Variants in DTWD2 observed in about 807,000 individuals in gnomAD.
The protein encoded by DTWD2 is DTW motif tRNA-uridine aminocarboxypropyltransferase 2.
Under a neutral mutation model 31.8 loss-of-function variants are expected in DTWD2, and 39 were observed. That is an observed-to-expected ratio of 1.22 (90% CI 0.95 to 1.60). The LOEUF (loss-of-function observed/expected upper bound fraction) is 1.60, where lower values mean the gene tolerates loss of function less well. DTWD2 is among the 40% of genes most tolerant of loss of function. DTWD2 has a pLI of 0.00. For synonymous variants in DTWD2, 180 were observed against 142.8 expected (o/e 1.26, Z -1.86); for missense variants, 515 against 381.5 (o/e 1.35, Z -2.92).
intron 1 of DTWD2, among the ~76,000 whole-genome samples, chr5:118,979,427 C>G (rs540946582): frequency 6.6e-6 from 1 of 152,148 alleles, no homozygotes; most frequent in South Asian, 2.1e-4. Context: ...ATTAGTTCAA[C>G]CATTGTGGAA....
chr5:118,902,568 T>C (rs1025322111), intron 4 of DTWD2, among the ~76,000 whole-genome samples: 72 of 152,256 alleles, frequency 4.7e-4, no homozygotes, highest in African/African-American at 1.7e-3. Context: ...GTTTTCTTTA[T>C]ACTTAGAAAA....
intron 4 of DTWD2, among the ~76,000 whole-genome samples, chr5:118,868,561 CAACA>C (rs1290687902): frequency 1.3e-5 from 2 of 152,104 alleles, no homozygotes; most frequent in Admixed American, 6.5e-5. Context: ...TACAACTCAA[CAACA>C]AACAAATAAT....
intron 4 of DTWD2, among the ~76,000 whole-genome samples, chr5:118,926,692 T>C (rs891102393): frequency 1.3e-5 from 2 of 152,122 alleles, no homozygotes; most frequent in African/African-American, 4.8e-5. Flanking sequence ...TCGCCCCTTT[T>C]GTTCAAAAAA....
chr5:118,964,512 G>A (rs1045783214), intron 1 of DTWD2, among the ~76,000 whole-genome samples: 3 of 152,102 alleles, frequency 2.0e-5, no homozygotes, highest in African/African-American at 4.8e-5. Flanking sequence ...CTGTACTGCC[G>A]CCATCTCTGC....
Position 118,973,950 on chromosome 5 carries a change from T to C in DTWD2, c.218+14344A>G, listed in dbSNP as rs369215702. The C allele has an allele frequency of 3.7e-5, 59 of 1,584,222 alleles. No homozygotes were observed. In the East Asian group the frequency reaches 8.3e-4, roughly 22 times the overall value. On this transcript the variant is annotated intron_variant, in intron 1 of 5. Transcript: ENST00000510708. ...GGGGAGCAGGAGGCTGACAATGAGG[T>C]AGATGAAGAAGAGGAAGAAGGTGGG...
chr5:118,867,781 A>G (rs1752409332), intron 4 of DTWD2, among the ~76,000 whole-genome samples: 1 of 152,218 alleles, frequency 6.6e-6, no homozygotes, highest in Non-Finnish European at 1.5e-5. Flanking sequence ...AGACACCAAT[A>G]AATGGAAAAA....
At chr5:118,963,250 A>T (rs2149594136) in intron 1 of DTWD2, among the ~76,000 whole-genome samples, 1 of 152,390 alleles carries the variant, frequency 6.6e-6, no homozygotes, top group East Asian at 1.9e-4. Context: ...GGAGATAGCT[A>T]GAAGGATAAG....
chr5:118,948,021 A>C (rs1170357397), intron 1 of DTWD2, among the ~76,000 whole-genome samples: 1 of 152,180 alleles, frequency 6.6e-6, no homozygotes, highest in Non-Finnish European at 1.5e-5. Context: ...TATTATAAAA[A>C]CATATTGTAA....
At chr5:118,962,873 G>A (rs544384178) in intron 1 of DTWD2, among the ~76,000 whole-genome samples, 1 of 152,184 alleles carries the variant, frequency 6.6e-6, no homozygotes, top group African/African-American at 2.4e-5. Flanking sequence ...GCTTGGTTCT[G>A]TCTGATTCCA....
rs397999089 is a variant in DTWD2 at position 118,934,272 on chromosome 5, TAAAA to T, written c.404+4920_404+4923del. On this transcript the variant is annotated intron_variant, in intron 3 of 5. Transcript: ENST00000510708. ...CAACATAGTGAGACCTTGTCTCCAT[TAAAA>T]AAAAAAAAAAAAAAAAAAAAAAAAA... is the stretch of plus-strand genomic sequence containing the variant. 1.4e-3 allele frequency among the ~76,000 whole-genome samples: 32 copies of T among 23,550 alleles called. No homozygotes were observed. In the East Asian group the frequency reaches 0.05, roughly 37 times the overall value. The allele number at this position is 23,550 out of a possible 152,430, so 15.4% of individuals were successfully genotyped here.
intron 1 of DTWD2, among the ~76,000 whole-genome samples, chr5:118,957,350 T>C (rs947902395): frequency 6.6e-6 from 1 of 151,946 alleles, no homozygotes; most frequent in Admixed American, 6.6e-5. Context: ...GCCTCCCAAG[T>C]AGCTGGGATT....
chr5:118,917,977 C>A (rs1466902578), intron 4 of DTWD2, among the ~76,000 whole-genome samples: 1 of 151,122 alleles, frequency 6.6e-6, no homozygotes. Flanking sequence ...AAAAAACCAT[C>A]CAATTTCATG....
chr5:118,979,483 T>TGACC (rs1253829791), intron 1 of DTWD2, among the ~76,000 whole-genome samples: 1 of 152,196 alleles, frequency 6.6e-6, no homozygotes, highest in Non-Finnish European at 1.5e-5. Flanking sequence ...AAATATCATG[T>TGACC]GACCTAGTAG....
At chr5:118,876,127 G>C (rs1161608452) in intron 4 of DTWD2, among the ~76,000 whole-genome samples, 1 of 152,090 alleles carries the variant, frequency 6.6e-6, no homozygotes, top group Admixed American at 6.5e-5. Flanking sequence ...ATGAAATGAA[G>C]GCAGAAATCA....
chr5:118,946,563 C>A (rs1030838083), intron 1 of DTWD2, among the ~76,000 whole-genome samples: 2 of 152,030 alleles, frequency 1.3e-5, no homozygotes, highest in African/African-American at 4.8e-5. Flanking sequence ...ACAGAAGAAC[C>A]AAGTAAAAAC....
At chr5:118,917,579 A>T (rs1039433458) in intron 4 of DTWD2, among the ~76,000 whole-genome samples, 4 of 152,214 alleles carry the variant, frequency 2.6e-5, no homozygotes, top group African/African-American at 7.2e-5. Context: ...CGGAGGCCTT[A>T]GGAAACTTAC....
intron 4 of DTWD2, among the ~76,000 whole-genome samples, chr5:118,848,966 G>A (rs1329553659): frequency 6.6e-6 from 1 of 152,192 alleles, no homozygotes; most frequent in Non-Finnish European, 1.5e-5. Context: ...ACAGGCATGG[G>A]CAAAGACTTT....
intron 4 of DTWD2, among the ~76,000 whole-genome samples, chr5:118,919,161 C>A (rs111929086): frequency 4.9e-4 from 74 of 152,286 alleles, no homozygotes; most frequent in African/African-American, 1.7e-3. Context: ...TATGCCAGTT[C>A]CCCCGATTCC....
At chr5:118,919,792 C>A (rs1753660576) in intron 4 of DTWD2, among the ~76,000 whole-genome samples, 1 of 152,096 alleles carries the variant, frequency 6.6e-6, no homozygotes, top group African/African-American at 2.4e-5. Flanking sequence ...AACCAAAGAT[C>A]ATCTCATATT....
Sources: allele counts gnomAD v4.1 joint callset (sites outside exome capture counted in the v4.1 genomes callset), GRCh38; gene constraint gnomAD v4.1.1; transcripts MANE v1.5; gene names NCBI Gene and HGNC (gene_info 2026-07-23, HGNC 2026-07-21).